Variants in TTC3 observed in about 807,000 individuals in gnomAD.
The protein encoded by TTC3 is E3 ubiquitin-protein ligase TTC3.
In TTC3, 180 loss-of-function variants were observed where a neutral mutation model predicts 249.6. That is an observed-to-expected ratio of 0.72 (90% CI 0.64 to 0.82). The LOEUF (loss-of-function observed/expected upper bound fraction) is 0.82. Ranked by LOEUF, TTC3 falls within the 40% of genes least tolerant of loss-of-function variation. TTC3 has a pLI of 0.00. For missense variants in TTC3, 2,061 were observed against 2,398.4 expected, an observed-to-expected ratio of 0.86 and a Z score of 2.94; for synonymous variants, 717 against 805.0, an observed-to-expected ratio of 0.89 and a Z score of 1.85.
intron 18 of TTC3, 94 bp from the exon 19 acceptor site, chr21:37,138,540 G>A (rs2078160615): frequency 1.3e-6 from 1 of 743,484 alleles, no homozygotes; most frequent in African/African-American, 1.8e-5. Context: ...AGATTGATTA[G>A]TGAGATTCTA....
At position 37,110,460 on chromosome 21, in the gene TTC3, G is replaced by A. The variant is rs552821484; in HGVS notation, c.900+2014G>A. On this transcript the variant is annotated intron_variant, in intron 11 of 45. Coordinates refer to ENST00000355666, the Ensembl canonical transcript of TTC3. ...ATCAACTGGAAGAAAGGGTATCAGC[G>A]ATGGAAGATGAAATGAATGAAATGA... Among the ~76,000 whole-genome samples the A allele has an allele frequency of 6.8e-3, 1,015 of 148,282 alleles. 11 individuals carry two copies. Among genetic ancestry groups the A allele is most frequent in the African/African-American group, 0.023 (927 of 40,618 alleles).
intron 11 of TTC3, among the ~76,000 whole-genome samples, chr21:37,116,885 A>T (rs1396282324): frequency 1.3e-5 from 2 of 152,138 alleles, no homozygotes. Context: ...CATGTATTTC[A>T]TACTTCATTC....
intron 1 of TTC3, among the ~76,000 whole-genome samples, chr21:37,079,900 A>G (rs77440607): frequency 0.12 from 18,579 of 152,066 alleles, 1,416 homozygotes; most frequent in Middle Eastern, 0.22. Context: ...CATGTTGAAT[A>G]TTATTTATGT....
chr21:37,165,379 G>A (rs1475668183), intron 32 of TTC3, among the ~76,000 whole-genome samples, 171 bp from the exon 33 acceptor site: 1 of 152,094 alleles, frequency 6.6e-6, no homozygotes, highest in East Asian at 1.9e-4. Context: ...TTTCTTTATA[G>A]TATCATTGAT....
At chr21:37,096,486 TA>T (rs1568899435) in intron 9 of TTC3, 94 bp from the exon 10 acceptor site, 5 of 956,774 alleles carry the variant, frequency 5.2e-6, no homozygotes, top group East Asian at 2.5e-5. Context: ...ATGTAAAGTT[TA>T]AAAAAAGTTT....
rs117879463 is a variant in TTC3, at chr21:37,122,119, C to T, written c.1063+140C>T. On this transcript the variant is annotated intron_variant, in intron 12 of 45. Coordinates refer to ENST00000355666, the Ensembl canonical transcript of TTC3. ...TTTTATCATGTTATCTTGGTCATGG[C>T]ACTTGAGTTTTTCATTTCTATCTGT... 8,023 of 724,028 alleles carry T rather than the reference C, an allele frequency of 0.011. 56 individuals carry two copies. The highest frequency in any genetic ancestry group is 0.014 in the Non-Finnish European group (6,759 of 486,590). The allele number at this position is 724,028 out of a possible 1,614,324, so 44.9% of individuals were successfully genotyped here.
chr21:37,089,858 G>C (rs2073013180), intron 5 of TTC3, among the ~76,000 whole-genome samples: 1 of 152,034 alleles, frequency 6.6e-6, no homozygotes, highest in Non-Finnish European at 1.5e-5. Context: ...AGTGGCACGT[G>C]CCTGTAATCC....
chr21:37,088,337 T>A, exon 4 of TTC3: 1 of 1,612,004 alleles, frequency 6.2e-7, no homozygotes, highest in Non-Finnish European at 8.5e-7. Flanking sequence ...CATCCCTGTG[T>A]GGACGCCAAG....
chr21:37,086,799 A>C (rs1248404362), intron 1 of TTC3: 1 of 165,908 alleles, frequency 6.0e-6, no homozygotes. Context: ...GAGATTGAGA[A>C]TATAACAGTT....
chr21:37,105,892 A>G (rs561160108), intron 10 of TTC3, among the ~76,000 whole-genome samples: 4 of 152,224 alleles, frequency 2.6e-5, no homozygotes, highest in African/African-American at 4.8e-5. Context: ...AGCTTCTCCT[A>G]TTTGGCTTTT....
chr21:37,101,044 C>T (rs1009818333), intron 10 of TTC3: 9 of 152,136 alleles, frequency 5.9e-5, no homozygotes, highest in Non-Finnish European at 7.4e-5. Flanking sequence ...TCAGATTCTT[C>T]GGTGGGATGT....
At chr21:37,141,418 C>CCG (rs753061093) in intron 20 of TTC3, among the ~76,000 whole-genome samples, 9 of 151,708 alleles carry the variant, frequency 5.9e-5, no homozygotes, top group South Asian at 4.2e-4. Flanking sequence ...GGAATCCCCC[C>CCG]CCCAGCCATC....
At chr21:37,167,846 G>A (rs1010751796) in intron 34 of TTC3, among the ~76,000 whole-genome samples, 6 of 151,414 alleles carry the variant, frequency 4.0e-5, no homozygotes, top group African/African-American at 1.5e-4. Flanking sequence ...TTATAACAGC[G>A]TTATTGTTTT....
At chr21:37,159,671 T>C (rs1384411613) in intron 28 of TTC3, 28 bp from the exon 29 acceptor site, 1 of 1,609,862 alleles carries the variant, frequency 6.2e-7, no homozygotes. Context: ...TTTAGTTTTC[T>C]CACAAAACCA....
chr21:37,151,840 T>C (rs1179120281), intron 25 of TTC3, 53 bp from the exon 26 acceptor site: 32 of 1,490,574 alleles, frequency 2.1e-5, no homozygotes, highest in Non-Finnish European at 2.8e-5. Context: ...GTTTCTACGA[T>C]AGTCAAAGGA....
exon 46 of TTC3, chr21:37,201,916 CA>C (rs1327854962): frequency 1.5e-5 from 3 of 201,218 alleles, no homozygotes; most frequent in Non-Finnish European, 2.8e-5. Context: ...CCAAGCGCCC[CA>C]CGTTTGTTCC....
intron 11 of TTC3, among the ~76,000 whole-genome samples, chr21:37,117,788 T>C (rs750595109): frequency 1.5e-4 from 21 of 138,524 alleles, no homozygotes; most frequent in Non-Finnish European, 2.7e-4. Flanking sequence ...GATAATCACC[T>C]GAGCCCAGGA....
chr21:37,100,882 A>G (rs1470317032), intron 10 of TTC3: 2 of 152,256 alleles, frequency 1.3e-5, no homozygotes, highest in Non-Finnish European at 2.9e-5. Flanking sequence ...CATTGTAATT[A>G]TAGTAATCAG....
At chr21:37,087,022 T>C in intron 1 of TTC3, 1 of 516,066 alleles carries the variant, frequency 1.9e-6, no homozygotes, top group Non-Finnish European at 3.4e-6. Context: ...AGATGGTGAA[T>C]ATGTGAACCT....
Sources: allele counts gnomAD v4.1 joint callset (sites outside exome capture counted in the v4.1 genomes callset), GRCh38; gene constraint gnomAD v4.1.1; transcripts MANE v1.5; gene names NCBI Gene and HGNC (gene_info 2026-07-23, HGNC 2026-07-21).